The following TAFA1 variants were observed in gnomAD, a reference collection of about 807,000 sequenced individuals.
TAFA1 encodes TAFA chemokine like family member 1.
A neutral mutation model predicts 18.5 loss-of-function variants in TAFA1; 4 were observed. The observed-to-expected ratio is 0.22, with a 90% confidence interval of 0.11 to 0.49. The LOEUF (loss-of-function observed/expected upper bound fraction) is 0.49. Among genes scored for constraint, TAFA1 ranks in the 20% least tolerant of loss-of-function variants. The probability of loss-of-function intolerance (pLI) is 0.98; values close to 1 mark genes in which losing one functional copy is unlikely to be tolerated. For synonymous variants in TAFA1, 56 were observed against 55.2 expected (o/e 1.01, Z -0.06); for missense variants, 147 against 169.0 (o/e 0.87, Z 0.72).
the TAFA1 span, among the ~76,000 whole-genome samples, chr3:67,995,373 TG>T: frequency 1.3e-5 from 2 of 152,116 alleles, no homozygotes; most frequent in African/African-American, 4.8e-5. Context: ...TTGATCTGGG[TG>T]GGGGCCAGGG....
chr3:68,237,366 T>G (rs1180408361), intron 2 of TAFA1, among the ~76,000 whole-genome samples: 1 of 152,132 alleles, frequency 6.6e-6, no homozygotes, highest in Non-Finnish European at 1.5e-5. Flanking sequence ...TATAATCACC[T>G]TGGAAGTTAG....
chr3:68,316,157 C>T (rs1014802720), intron 2 of TAFA1, among the ~76,000 whole-genome samples: 1 of 152,176 alleles, frequency 6.6e-6, no homozygotes, highest in Non-Finnish European at 1.5e-5. Flanking sequence ...TGTTTTGTTC[C>T]ATAACTGTAC....
At chr3:68,159,830 C>A in intron 2 of TAFA1, among the ~76,000 whole-genome samples, 1 of 152,198 alleles carries the variant, frequency 6.6e-6, no homozygotes, top group East Asian at 1.9e-4. Flanking sequence ...CATGGACCAC[C>A]CCCACCTGCT....
chr3:68,002,362 C>G (rs971758683), upstream of TAFA1, among the ~76,000 whole-genome samples: 11 of 152,282 alleles, frequency 7.2e-5, no homozygotes, highest in African/African-American at 2.6e-4. Flanking sequence ...TGAATGTAAT[C>G]CATTAGGTGG....
At chr3:68,370,381 C>CAT (rs1181431929) in intron 2 of TAFA1, among the ~76,000 whole-genome samples, 15 of 62,388 alleles carry the variant, frequency 2.4e-4, no homozygotes, top group African/African-American at 9.3e-4. Flanking sequence ...TATATATACA[C>CAT]ATATATATAC....
At chr3:68,039,748 A>G (rs1004868590) in intron 2 of TAFA1, among the ~76,000 whole-genome samples, 3 of 152,190 alleles carry the variant, frequency 2.0e-5, no homozygotes, top group Non-Finnish European at 2.9e-5. Context: ...TGAGACAGGG[A>G]AGGGAAAGCA....
At chr3:68,488,659 T>G (rs907581761) in intron 3 of TAFA1, among the ~76,000 whole-genome samples, 1 of 152,198 alleles carries the variant, frequency 6.6e-6, no homozygotes, top group African/African-American at 2.4e-5. Flanking sequence ...ATAAGATACC[T>G]GCACCACAGG....
intron 2 of TAFA1, among the ~76,000 whole-genome samples, chr3:68,257,228 T>C (rs2067315683): frequency 6.6e-6 from 1 of 152,104 alleles, no homozygotes; most frequent in African/African-American, 2.4e-5. Context: ...CATAACTTTC[T>C]TGGATGGCAC....
chr3:68,482,543 C>T (rs947537446), intron 3 of TAFA1, among the ~76,000 whole-genome samples: 4 of 152,110 alleles, frequency 2.6e-5, no homozygotes, highest in African/African-American at 2.4e-5. Flanking sequence ...ATAACATTTC[C>T]CCTAGGTCTT....
intron 2 of TAFA1, among the ~76,000 whole-genome samples, chr3:68,097,824 C>T (rs1404116243): frequency 6.6e-6 from 1 of 152,092 alleles, no homozygotes; most frequent in Non-Finnish European, 1.5e-5. Flanking sequence ...GGACTGATTT[C>T]CTGCAGGGAA....
chr3:68,037,919 GCTCT>G (rs1203111279), intron 2 of TAFA1, among the ~76,000 whole-genome samples: 5 of 151,962 alleles, frequency 3.3e-5, no homozygotes, highest in Admixed American at 3.3e-4. Flanking sequence ...TTGTGTGCGT[GCTCT>G]CTCTCTCTGA....
intron 3 of TAFA1, among the ~76,000 whole-genome samples, chr3:68,420,091 G>A (rs2070925232): frequency 6.6e-6 from 1 of 152,160 alleles, no homozygotes; most frequent in Non-Finnish European, 1.5e-5. Context: ...TTCAGGGCAT[G>A]AATATATTTG....
intron 2 of TAFA1, among the ~76,000 whole-genome samples, chr3:68,139,292 G>A (rs948826024): frequency 1.3e-5 from 2 of 152,232 alleles, no homozygotes; most frequent in South Asian, 4.1e-4. Flanking sequence ...CACACCACTG[G>A]AAGTTAGAGT....
intron 3 of TAFA1, among the ~76,000 whole-genome samples, chr3:68,487,520 G>A (rs969281823): frequency 6.6e-6 from 1 of 152,018 alleles, no homozygotes; most frequent in Non-Finnish European, 1.5e-5. Context: ...GGCCGAGGCG[G>A]GCGGATCACA....
intron 2 of TAFA1, among the ~76,000 whole-genome samples, chr3:68,210,869 G>A (rs2066587961): frequency 6.6e-6 from 1 of 152,010 alleles, no homozygotes; most frequent in Non-Finnish European, 1.5e-5. Flanking sequence ...GGTTCCAGCT[G>A]TGGTCATTGT....
intron 2 of TAFA1, among the ~76,000 whole-genome samples, chr3:68,193,746 G>C (rs2066376723): frequency 6.6e-6 from 1 of 150,754 alleles, no homozygotes; most frequent in Admixed American, 6.6e-5. Context: ...AAAGTGGATT[G>C]CAAAAAAAAA....
chr3:68,120,227 TTCTTTC>T (rs2065379582), intron 2 of TAFA1, among the ~76,000 whole-genome samples: 1 of 138,312 alleles, frequency 7.2e-6, no homozygotes, highest in African/African-American at 2.9e-5. Context: ...CTTTCTTTCT[TTCTTTC>T]TTTCTTTCTT....
intron 2 of TAFA1, among the ~76,000 whole-genome samples, chr3:68,297,940 A>G (rs1476892988): frequency 6.6e-6 from 1 of 151,922 alleles, no homozygotes; most frequent in African/African-American, 2.4e-5. Context: ...TTTTTCACTC[A>G]ATAAGAACTT....
chr3:67,994,876 G>A, the TAFA1 span, among the ~76,000 whole-genome samples: 5 of 152,242 alleles, frequency 3.3e-5, no homozygotes, highest in South Asian at 6.2e-4. Context: ...TGGGGCTACC[G>A]TGAACTATAG....
Sources: gnomAD v4.1 joint callset for allele counts (sites outside exome capture counted in the v4.1 genomes callset) on GRCh38, gnomAD v4.1.1 for gene constraint, MANE v1.5 for transcripts, NCBI Gene and HGNC (gene_info 2026-07-23, HGNC 2026-07-21) for gene names.